Variants in ADGRB2 observed in about 807,000 individuals in gnomAD.
ADGRB2 encodes adhesion G protein-coupled receptor B2, also known as brain-specific angiogenesis inhibitor 2.
ADGRB2 carries 47 observed loss-of-function variants against 178.7 expected under a neutral mutation model. The ratio of observed to expected loss-of-function variants is 0.26; its 90% CI spans 0.21 to 0.34. The LOEUF is 0.34. Ranked by LOEUF, ADGRB2 falls within the 10% of genes least tolerant of loss-of-function variation. The pLI is 1.00. For missense variants in ADGRB2, 1,584 were observed against 2,180.8 expected, an observed-to-expected ratio of 0.73 and a Z score of 5.45; for synonymous variants, 870 against 912.4, an observed-to-expected ratio of 0.95 and a Z score of 0.84.
Position 31,735,106 on chromosome 1 carries a change from C to A in ADGRB2, c.3452+77G>T. 3.1e-6 allele frequency: 3 copies of A among 972,474 alleles called. No homozygotes were observed. The highest frequency in any genetic ancestry group is 4.3e-6 in the Non-Finnish European group (3 of 689,708). The allele number at this position is 972,474 out of a possible 1,614,324, so 60.2% of individuals were successfully genotyped here. ...GCACTGGGCTGATATCCCTCCTCCTCCCCCCACCATGGGCACTGCCCCCCC... is the reference window on the plus strand; with the variant it reads ...GCACTGGGCTGATATCCCTCCTCCTACCCCCACCATGGGCACTGCCCCCCC... On this transcript the variant is annotated intron_variant, in intron 25 of 32. Coordinates refer to ENST00000373658, the MANE Select transcript of ADGRB2 (RefSeq NM_001364857.2). This position sits in a 1 kb window ranked among gnomAD's most constrained non-coding sequence, Gnocchi z 6.0.
chr1:31,748,062 C>T (rs951207381), intron 4 of ADGRB2, among the ~76,000 whole-genome samples: 4 of 152,210 alleles, frequency 2.6e-5, no homozygotes, highest in Admixed American at 2.0e-4. Flanking sequence ...AATGCGGACA[C>T]GTGAGAGACC....
chr1:31,735,317 A>G lies in ADGRB2; in HGVS notation c.3354-36T>C. ...GCACAGACATGGGAGAAGGAGGGGA[A>G]ACACATGGGAAGCCGGGAGATGGGG... On this transcript the variant is annotated intron_variant, in intron 24 of 32. Coordinates refer to ENST00000373658, the MANE Select transcript of ADGRB2 (RefSeq NM_001364857.2). This position sits in a 1 kb window ranked among gnomAD's most constrained non-coding sequence, Gnocchi z 6.0. 3 of 1,445,900 alleles carry G rather than the reference A, an allele frequency of 2.1e-6. No individual in the cohort carries two copies. Among genetic ancestry groups the G allele is most frequent in the Non-Finnish European group, 2.8e-6 (3 of 1,075,978 alleles). 89.6% of individuals were successfully genotyped at this position (1,445,900 alleles called of 1,614,324 possible). A position where few individuals can be genotyped will look rare whatever the true frequency, so the allele number is the denominator to read the frequency against.
rs1646055952 is a variant in ADGRB2, at chr1:31,742,901, C to T, written c.1189G>A (p.Gly397Ser). Residue 397 changes from glycine (G) to serine (S), a missense_variant, in exon 7 of 33, where the codon GGC becomes AGC. Gly to Ser is a moderately conservative substitution (Grantham distance 56). Coordinates refer to ENST00000373658, the MANE Select transcript of ADGRB2 (RefSeq NM_001364857.2). Reference protein sequence around the residue: ...RMRTCVPPQHGGKACEGPELQ... With the variant: ...RMRTCVPPQHSGKACEGPELQ... Reference sequence around the variant, plus strand: ...TCAGGACCCTCGCAGGCCTTGCCGCCGTGCTGGGGGGGCACGCAGGTCCGC... The same window carrying T: ...TCAGGACCCTCGCAGGCCTTGCCGCTGTGCTGGGGGGGCACGCAGGTCCGC... The T allele has an allele frequency of 3.9e-6, 6 of 1,541,446 alleles. No individual in the cohort carries two copies. The highest frequency in any genetic ancestry group is 2.5e-5 in the East Asian group (1 of 40,258).
Position 31,741,485 on chromosome 1 carries a change from G to A in ADGRB2, c.1688-6C>T. 6.3e-7 allele frequency: 1 copy of A among 1,586,260 alleles called. No homozygotes were observed. The highest frequency in any genetic ancestry group is 8.6e-7 in the Non-Finnish European group (1 of 1,165,868). On this transcript the variant is annotated splice_region_variant and splice_polypyrimidine_tract_variant and intron_variant, in intron 10 of 32. Coordinates refer to ENST00000373658, the MANE Select transcript of ADGRB2 (RefSeq NM_001364857.2). The surrounding 1 kb of genome is among the most constrained non-coding windows in gnomAD (Gnocchi z 6.5). ...ACAGCGGCGGCTGGCAGACCCTGCA[G>A]GGCAATAGGACAGAGGTCTGGGCAT...
chr1:31,755,900 G>A lies in ADGRB2; in HGVS notation c.838+99C>T. On this transcript the variant is annotated intron_variant, in intron 4 of 32. Transcript: ENST00000373658. This position sits in a 1 kb window ranked among gnomAD's most constrained non-coding sequence, Gnocchi z 5.1. ...GGCTCAGCAGAGGGGTGACATCAGT[G>A]AACAGCTACATGCATGGCCGAGGAT... 1 of 1,476,766 alleles carries A rather than the reference G, an allele frequency of 6.8e-7. No homozygotes were observed. The highest frequency in any genetic ancestry group is 1.4e-5 in the African/African-American group (1 of 71,244). The allele number at this position is 1,476,766 out of a possible 1,614,324, so 91.5% of individuals were successfully genotyped here.
At chr1:31,734,997 C>T (rs1219751786) in intron 25 of ADGRB2, among the ~76,000 whole-genome samples, 186 bp downstream of exon 25, 4 of 152,316 alleles carry the variant, frequency 2.6e-5, no homozygotes, top group Admixed American at 1.3e-4. Flanking sequence ...GAGGCACAGA[C>T]ATCCACTCCT....
chr1:31,744,695 T>C lies in ADGRB2; in HGVS notation c.875A>G (p.Gln292Arg). 6.2e-7 allele frequency: 1 copy of C among 1,614,184 alleles called. No homozygotes were observed. Among genetic ancestry groups the C allele is most frequent in the Non-Finnish European group, 8.5e-7 (1 of 1,180,022 alleles). ...EPEEEPKVKT[Q>R]WPRSADEPGL... ...AGGCTCATCTGCAGACCTCGGCCAC[T>C]GGGTTTTCACTTTCGGTTCCTCTTC... Residue 292 changes from glutamine to arginine, a missense_variant, in exon 5 of 33, where the codon CAG (glutamine) becomes CGG (arginine). Physicochemically the swap from Gln to Arg is conservative, Grantham distance 43. This residue lies in a region of ADGRB2 where 657 missense variants were observed against 847.6 expected (regional missense o/e 0.78). Coordinates refer to ENST00000373658, the MANE Select transcript of ADGRB2 (RefSeq NM_001364857.2). This position sits in a 1 kb window ranked among gnomAD's most constrained non-coding sequence, Gnocchi z 6.7.
At position 31,734,656 on chromosome 1, in the gene ADGRB2, C is replaced by T. The variant is rs367847432; in HGVS notation, c.3452+527G>A. Among the ~76,000 whole-genome samples, 205 of 152,248 alleles carry T rather than the reference C, an allele frequency of 1.3e-3. 3 individuals are homozygous for T. In the South Asian group the frequency reaches 0.033, roughly 24 times the overall value. ...ATTTTAAGATTCTCAGATGCTAGGG[C>T]GGGGGTCTCAGTGAAATAATTCTCT... On this transcript the variant is annotated intron_variant, in intron 25 of 32. Coordinates refer to ENST00000373658, the MANE Select transcript of ADGRB2 (RefSeq NM_001364857.2).
chr1:31,747,327 CA>C lies in ADGRB2; in HGVS notation c.839-2597del, dbSNP rs1042913655. 7.8e-4 allele frequency among the ~76,000 whole-genome samples: 119 copies of C among 152,080 alleles called. 5 individuals carry two copies. The highest frequency in any genetic ancestry group is 3.2e-3 in the Middle Eastern group (1 of 316). ...TTAACCCCCTCTGAACCAATGCTCC[CA>C]AATCATCATCCCCAGGCCCTGCCTC... On this transcript the variant is annotated intron_variant, in intron 4 of 32. Coordinates refer to ENST00000373658, the MANE Select transcript of ADGRB2 (RefSeq NM_001364857.2).
In ADGRB2 at chr1:31,764,170, G is replaced by T. The variant is rs1647135515; in HGVS notation, c.-477C>A. 3.8e-6 allele frequency: 2 copies of T among 529,490 alleles called. No homozygotes were observed. The highest frequency in any genetic ancestry group is 4.3e-5 in the African/African-American group (2 of 46,716). 32.8% of individuals were successfully genotyped at this position (529,490 alleles called of 1,614,324 possible). ...CCCCGCTCCCCCGCTCCCCCGCCCC[G>T]AGCACCGCCCGCGCCGCGCGCCGCC... On this transcript the variant is annotated 5_prime_UTR_variant, in exon 1 of 33. Transcript: ENST00000373658. This position sits in a 1 kb window ranked among gnomAD's most constrained non-coding sequence, Gnocchi z 7.3.
chr1:31,735,038 TGA>T lies in ADGRB2; in HGVS notation c.3452+143_3452+144del. Reference sequence around the variant, plus strand: ...CCTTGGCCACCTCTTGCCGAGCCCTTGAGAGTGTGTGGTGGCTGGCAGGAAAG... The same window carrying T: ...CCTTGGCCACCTCTTGCCGAGCCCTTGAGTGTGTGGTGGCTGGCAGGAAAG... On this transcript the variant is annotated intron_variant, in intron 25 of 32. Coordinates refer to ENST00000373658, the MANE Select transcript of ADGRB2 (RefSeq NM_001364857.2). The surrounding 1 kb of genome is among the most constrained non-coding windows in gnomAD (Gnocchi z 6.0). The T allele has an allele frequency of 3.7e-6, 3 of 813,606 alleles. No homozygotes were observed. The highest frequency in any genetic ancestry group is 1.7e-5 in the African/African-American group (1 of 57,840). The allele number at this position is 813,606 out of a possible 1,614,324, so 50.4% of individuals were successfully genotyped here. A position where few individuals can be genotyped will look rare whatever the true frequency, so the allele number is the denominator to read the frequency against.
At position 31,740,677 on chromosome 1, in the gene ADGRB2, G is replaced by T. The variant is rs1439041168; in HGVS notation, c.1795-136C>A. 2 of 858,972 alleles carry T rather than the reference G, an allele frequency of 2.3e-6. No individual in the cohort carries two copies. Among genetic ancestry groups the T allele is most frequent in the Non-Finnish European group, 3.5e-6 (2 of 576,734 alleles). The allele number at this position is 858,972 out of a possible 1,614,324, so 53.2% of individuals were successfully genotyped here. A position where few individuals can be genotyped will look rare whatever the true frequency, so the allele number is the denominator to read the frequency against. On this transcript the variant is annotated intron_variant, in intron 11 of 32. Transcript: ENST00000373658. The surrounding 1 kb of genome is among the most constrained non-coding windows in gnomAD (Gnocchi z 5.9). Reference sequence around the variant, plus strand: ...GGAAAAGGTCAGAGAGGCTCAAAGGGGCACACAGGGGAGACAGAGTCCGAG... The same window carrying T: ...GGAAAAGGTCAGAGAGGCTCAAAGGTGCACACAGGGGAGACAGAGTCCGAG...
rs532775187 is a variant in ADGRB2 at position 31,735,651 on chromosome 1, G to A, written c.3282C>T (p.Ile1094=). ...TGAGCTTGTTGAAGACGATGATTCC[G>A]ATGAGCATGTTCACCTGGGGGCCCA... ...AAVIVLVNML[I]GIIVFNKLMA... The change falls in exon 24 of 33, where the codon ATC becomes ATT. Residue 1094 remains isoleucine, a synonymous_variant. Transcript: ENST00000373658. This position sits in a 1 kb window ranked among gnomAD's most constrained non-coding sequence, Gnocchi z 6.0. 2.1e-5 allele frequency: 33 copies of A among 1,602,142 alleles called. No homozygotes were observed. Among genetic ancestry groups the A allele is most frequent in the Middle Eastern group, 1.7e-4 (1 of 6,020 alleles).
In ADGRB2 at chr1:31,740,655, A is replaced by G; in HGVS notation, c.1795-114T>C. On this transcript the variant is annotated intron_variant, in intron 11 of 32. Coordinates refer to ENST00000373658, the MANE Select transcript of ADGRB2 (RefSeq NM_001364857.2). This position sits in a 1 kb window ranked among gnomAD's most constrained non-coding sequence, Gnocchi z 5.9. ...GCATCCACGGGGAGAGAAAGGGGGA[A>G]AAGGTCAGAGAGGCTCAAAGGGGCA... is the stretch of plus-strand genomic sequence containing the variant. The G allele has an allele frequency of 1.7e-6, 2 of 1,206,588 alleles. No homozygotes were observed. Among genetic ancestry groups the G allele is most frequent in the Middle Eastern group, 2.9e-4 (1 of 3,456 alleles). 74.7% of individuals were successfully genotyped at this position (1,206,588 alleles called of 1,614,324 possible).
intron 6 of ADGRB2, chr1:31,743,768 G>A (rs1646119478): frequency 6.2e-6 from 1 of 160,270 alleles, no homozygotes; most frequent in South Asian, 2.0e-4. Flanking sequence ...GGAAGGAGGG[G>A]AAGGTCAGGG....
At position 31,728,433 on chromosome 1, in the gene ADGRB2, G is replaced by T. The variant is rs1645108563; in HGVS notation, c.4417-153C>A. On this transcript the variant is annotated intron_variant, in intron 30 of 32. Coordinates refer to ENST00000373658, the MANE Select transcript of ADGRB2 (RefSeq NM_001364857.2). The surrounding 1 kb of genome is among the most constrained non-coding windows in gnomAD (Gnocchi z 6.7). ...GTTCTCTCTTCACGTTGGTGCTATGGGCTTGGGCAGGGAGGGAATCATGGG... is the reference window on the plus strand; with the variant it reads ...GTTCTCTCTTCACGTTGGTGCTATGTGCTTGGGCAGGGAGGGAATCATGGG... 2.6e-5 allele frequency among the ~76,000 whole-genome samples: 4 copies of T among 151,782 alleles called. No individual in the cohort carries two copies. The highest frequency in any genetic ancestry group is 4.8e-5 in the African/African-American group (2 of 41,292).
Position 31,727,783 on chromosome 1 carries a change from G to T in ADGRB2, c.4573-178C>A. ...TTCCAGGGTGGGGCTCCTGACCCCT[G>T]TTCTCAGTGGCCCCCAGGACATGTC... On this transcript the variant is annotated intron_variant, in intron 32 of 32. Coordinates refer to ENST00000373658, the MANE Select transcript of ADGRB2 (RefSeq NM_001364857.2). The surrounding 1 kb of genome is among the most constrained non-coding windows in gnomAD (Gnocchi z 4.4). 1.2e-6 allele frequency: 1 copy of T among 857,472 alleles called. No individual in the cohort carries two copies. The highest frequency in any genetic ancestry group is 1.7e-6 in the Non-Finnish European group (1 of 575,674). The allele number at this position is 857,472 out of a possible 1,614,324, so 53.1% of individuals were successfully genotyped here. A position where few individuals can be genotyped will look rare whatever the true frequency, so the allele number is the denominator to read the frequency against.
Position 31,759,893 on chromosome 1 carries a change from C to G in ADGRB2, c.-190-2382G>C, listed in dbSNP as rs1052149001. ...TGGCTCTTAGTCATGATTAACCCCC[C>G]TGAGCCTGTTTCCCTCTCTGTGCAA... is the stretch of plus-strand genomic sequence containing the variant. On this transcript the variant is annotated intron_variant, in intron 1 of 32. Coordinates refer to ENST00000373658, the MANE Select transcript of ADGRB2 (RefSeq NM_001364857.2). The surrounding 1 kb of genome is among the most constrained non-coding windows in gnomAD (Gnocchi z 4.3). 6.6e-6 allele frequency among the ~76,000 whole-genome samples: 1 copy of G among 152,206 alleles called. No individual in the cohort carries two copies. The highest frequency in any genetic ancestry group is 1.5e-5 in the Non-Finnish European group (1 of 68,038).
In ADGRB2 at chr1:31,764,012, G is replaced by A; in HGVS notation, c.-319C>T. 1 of 982,318 alleles carries A rather than the reference G, an allele frequency of 1.0e-6. No homozygotes were observed. The highest frequency in any genetic ancestry group is 1.2e-6 in the Non-Finnish European group (1 of 828,932). 60.9% of individuals were successfully genotyped at this position (982,318 alleles called of 1,614,324 possible). A position where few individuals can be genotyped will look rare whatever the true frequency, so the allele number is the denominator to read the frequency against. ...GGTAGCTGCAGCCGCGCGGAGGGCC[G>A]AGGCTCCCGCTCTCCCGGGCGGCGG... On this transcript the variant is annotated 5_prime_UTR_variant, in exon 1 of 33. Coordinates refer to ENST00000373658, the MANE Select transcript of ADGRB2 (RefSeq NM_001364857.2). This position sits in a 1 kb window ranked among gnomAD's most constrained non-coding sequence, Gnocchi z 7.3.
Sources: gnomAD v4.1 joint callset for allele counts (sites outside exome capture counted in the v4.1 genomes callset) on GRCh38, gnomAD v4.1.1 for gene constraint, gnomAD v4.1.1 regional missense constraint, Gnocchi (gnomAD v3.1) non-coding constraint, MANE v1.5 for transcripts, NCBI Gene and HGNC (gene_info 2026-07-23, HGNC 2026-07-21) for gene names.